The following RALYL variants were observed in gnomAD, a reference collection of about 807,000 sequenced individuals.
The protein encoded by RALYL is RNA-binding Raly-like protein.
A neutral mutation model predicts 35.1 loss-of-function variants in RALYL; 29 were observed. That is an observed-to-expected ratio of 0.83 (90% confidence interval 0.61 to 1.13). The LOEUF is 1.13. Among genes scored for constraint, RALYL ranks in the 50% most tolerant of loss-of-function variants. RALYL has a pLI of 0.00. For missense variants in RALYL, 359 were observed against 360.4 expected (o/e 1.00, Z 0.03); for synonymous variants, 120 against 127.6 (o/e 0.94, Z 0.40).
chr8:84,458,906 A>G (rs1340155641), intron 1 of RALYL, among the ~76,000 whole-genome samples: 14 of 151,758 alleles, frequency 9.2e-5, no homozygotes, highest in African/African-American at 3.1e-4. Flanking sequence ...GTCTTAGATG[A>G]AGTATGTATG....
At chr8:84,764,437 A>T (rs1035847257) in intron 2 of RALYL, among the ~76,000 whole-genome samples, 3 of 152,236 alleles carry the variant, frequency 2.0e-5, no homozygotes, top group African/African-American at 7.2e-5. Context: ...ATAAATATAG[A>T]AAGGCATCCA....
intron 2 of RALYL, among the ~76,000 whole-genome samples, chr8:84,664,882 G>A (rs2131711331): frequency 6.6e-6 from 1 of 152,266 alleles, no homozygotes; most frequent in African/African-American, 2.4e-5. Flanking sequence ...AGTGGTGAAA[G>A]AAGACATCCT....
At chr8:84,661,152 T>G (rs1830832420) in intron 2 of RALYL, among the ~76,000 whole-genome samples, 1 of 151,872 alleles carries the variant, frequency 6.6e-6, no homozygotes, top group Non-Finnish European at 1.5e-5. Context: ...ATGGTCTCGA[T>G]CTCCTGACCT....
At chr8:84,348,816 G>T (rs1850332527) in intron 1 of RALYL, among the ~76,000 whole-genome samples, 1 of 137,576 alleles carries the variant, frequency 7.3e-6, no homozygotes, top group Non-Finnish European at 1.6e-5. Flanking sequence ...GTGTATGTGT[G>T]TAAATTATCA....
intron 8 of RALYL, among the ~76,000 whole-genome samples, chr8:84,906,191 T>C (rs1396906238): frequency 6.6e-6 from 1 of 152,128 alleles, no homozygotes; most frequent in Non-Finnish European, 1.5e-5. Context: ...GCCAAATAGC[T>C]AGAAATTCTT....
At chr8:84,275,550 C>T (rs949604278) in intron 1 of RALYL, among the ~76,000 whole-genome samples, 2 of 151,362 alleles carry the variant, frequency 1.3e-5, no homozygotes, top group African/African-American at 4.9e-5. Context: ...TGGTGAGAAC[C>T]CAACATCCAC....
chr8:84,688,773 T>G (rs914925334), intron 2 of RALYL, among the ~76,000 whole-genome samples: 1 of 152,022 alleles, frequency 6.6e-6, no homozygotes, highest in African/African-American at 2.4e-5. Context: ...GAAACAATCA[T>G]GGAGTGAAGA....
intron 1 of RALYL, among the ~76,000 whole-genome samples, chr8:84,374,044 T>C (rs1182030041): frequency 2.0e-5 from 3 of 152,070 alleles, no homozygotes; most frequent in African/African-American, 7.2e-5. Flanking sequence ...TAGTAATTTT[T>C]GTACACTCAT....
intron 7 of RALYL, among the ~76,000 whole-genome samples, chr8:84,874,844 A>G (rs771036756): frequency 6.6e-6 from 1 of 152,230 alleles, no homozygotes; most frequent in Non-Finnish European, 1.5e-5. Context: ...AGAGTTAAAA[A>G]TATAATAATT....
intron 1 of RALYL, among the ~76,000 whole-genome samples, chr8:84,430,575 G>A (rs1244684688): frequency 3.9e-5 from 6 of 152,076 alleles, no homozygotes; most frequent in Non-Finnish European, 8.8e-5. Context: ...ACCAGTGAGT[G>A]TCAGTGGTTT....
chr8:84,546,348 A>G (rs2060358231), intron 2 of RALYL, among the ~76,000 whole-genome samples: 1 of 152,024 alleles, frequency 6.6e-6, no homozygotes, highest in Admixed American at 6.6e-5. Context: ...TCAAACTGCT[A>G]GGCTCAACTG....
chr8:84,862,217 A>T, intron 5 of RALYL, 79 bp from the exon 6 acceptor site: 1 of 1,203,470 alleles, frequency 8.3e-7, no homozygotes, highest in Non-Finnish European at 1.1e-6. Flanking sequence ...CTACCAGGAC[A>T]TTCTGTTCAA....
intron 2 of RALYL, among the ~76,000 whole-genome samples, chr8:84,766,895 C>T (rs1814226682): frequency 6.6e-6 from 1 of 151,950 alleles, no homozygotes; most frequent in African/African-American, 2.4e-5. Flanking sequence ...ATTGCATAAA[C>T]AACAGTGCGT....
intron 1 of RALYL, among the ~76,000 whole-genome samples, chr8:84,200,305 G>A (rs1816541662): frequency 6.6e-6 from 1 of 152,124 alleles, no homozygotes; most frequent in East Asian, 1.9e-4. Flanking sequence ...GTGATGATCA[G>A]TGGACTCCAG....
At chr8:84,706,403 C>T (rs889877123) in intron 2 of RALYL, among the ~76,000 whole-genome samples, 2 of 152,098 alleles carry the variant, frequency 1.3e-5, no homozygotes, top group African/African-American at 4.8e-5. Context: ...GATTTTCTTT[C>T]CTGGAAGTCT....
rs532325650 is a variant in RALYL, at chr8:84,428,143, C to T, written c.-23-101156C>T. 1.5e-3 allele frequency among the ~76,000 whole-genome samples: 228 copies of T among 150,710 alleles called. 2 individuals are homozygous for T. Among genetic ancestry groups the T allele is most frequent in the African/African-American group, 4.5e-3 (185 of 40,964 alleles). ...ACACACACACACACACACACACACA[C>T]GTGGTTCAATATATTTTAAGTTTAT... On this transcript the variant is annotated intron_variant, in intron 1 of 8. Transcript: ENST00000521268.
At chr8:84,613,525 G>A (rs1390417460) in intron 2 of RALYL, among the ~76,000 whole-genome samples, 2 of 151,370 alleles carry the variant, frequency 1.3e-5, no homozygotes, top group Non-Finnish European at 2.9e-5. Flanking sequence ...CCTTAGGAAG[G>A]AACTGCTATT....
At chr8:84,239,564 A>C (rs1357008901) in intron 1 of RALYL, among the ~76,000 whole-genome samples, 1 of 151,714 alleles carries the variant, frequency 6.6e-6, no homozygotes, top group Admixed American at 6.6e-5. Flanking sequence ...ACTCAAAATC[A>C]CTCAGATAGT....
At chr8:84,643,787 C>T (rs952730613) in intron 2 of RALYL, among the ~76,000 whole-genome samples, 3 of 152,000 alleles carry the variant, frequency 2.0e-5, no homozygotes, top group Admixed American at 1.3e-4. Flanking sequence ...CCACTTCATA[C>T]GTTAGGGATA....
Sources: allele counts gnomAD v4.1 joint callset (sites outside exome capture counted in the v4.1 genomes callset), GRCh38; gene constraint gnomAD v4.1.1; transcripts MANE v1.5; gene names NCBI Gene and HGNC (gene_info 2026-07-23, HGNC 2026-07-21).